The following ADGRL3 variants were observed in gnomAD, a reference collection of about 807,000 sequenced individuals.
ADGRL3 encodes the protein adhesion G protein-coupled receptor L3.
Under a neutral mutation model 153.5 loss-of-function variants are expected in ADGRL3, and 62 were observed. The ratio of observed to expected loss-of-function variants is 0.40; its 90% CI spans 0.33 to 0.50. The LOEUF (loss-of-function observed/expected upper bound fraction) is 0.50, where lower values mean the gene tolerates loss of function less well. ADGRL3 is among the 20% of genes least tolerant of loss of function. The pLI is 0.47. For synonymous variants in ADGRL3, 710 were observed against 672.5 expected (o/e 1.06, Z -0.86); for missense variants, 1,641 against 1,859.4 (o/e 0.88, Z 2.16).
rs781523947 is a variant in ADGRL3 at position 61,733,204 on chromosome 4, A to G, written c.1049A>G (p.Asn350Ser). 3.1e-6 allele frequency: 5 copies of G among 1,613,596 alleles called. No homozygotes were observed. In the East Asian group the frequency reaches 6.7e-5, roughly 22 times the overall value. Residue 350 changes from asparagine (N) to serine (S), a missense_variant, in exon 8 of 27, where the codon AAT becomes AGT. This residue lies in a region of ADGRL3 where 213 missense variants were observed against 362.1 expected (regional missense o/e 0.59). Transcript: ENST00000683033. ...LWVIYATEQNNGKIVISQLNP... is the reference protein window; with the variant it reads ...LWVIYATEQNSGKIVISQLNP... Reference sequence around the variant, plus strand: ...GTAATCTATGCAACAGAACAAAACAATGGTAAAATTGTCATTAGTCAATTG... The same window carrying G: ...GTAATCTATGCAACAGAACAAAACAGTGGTAAAATTGTCATTAGTCAATTG...
intron 17 of ADGRL3, among the ~76,000 whole-genome samples, chr4:61,957,865 GTTTTC>G (rs1382530004): frequency 6.6e-6 from 1 of 151,756 alleles, no homozygotes; most frequent in Admixed American, 6.6e-5. Flanking sequence ...TATTTCATTT[GTTTTC>G]TTTTCTTCAT....
At chr4:61,796,168 A>G (rs2097408868) in intron 8 of ADGRL3, among the ~76,000 whole-genome samples, 3 of 152,066 alleles carry the variant, frequency 2.0e-5, no homozygotes, top group Admixed American at 2.0e-4. Context: ...TTGCATCCCA[A>G]CACAATGGAC....
At chr4:62,000,489 T>A (rs1198272437) in intron 21 of ADGRL3, among the ~76,000 whole-genome samples, 1 of 152,086 alleles carries the variant, frequency 6.6e-6, no homozygotes. Context: ...TTAGTGGCAT[T>A]GGTAGCATCA....
intron 4 of ADGRL3, among the ~76,000 whole-genome samples, chr4:61,545,923 C>G (rs1005217660): frequency 6.6e-6 from 1 of 152,068 alleles, no homozygotes; most frequent in African/African-American, 2.4e-5. Context: ...AAAAAACTTT[C>G]TATGTTTTTA....
chr4:61,448,551 A>G (rs2097617932), intron 2 of ADGRL3, among the ~76,000 whole-genome samples: 1 of 152,170 alleles, frequency 6.6e-6, no homozygotes. Flanking sequence ...GGCAACATGT[A>G]TGTAAAGTGC....
intron 2 of ADGRL3, among the ~76,000 whole-genome samples, chr4:61,451,105 A>T (rs1251749369): frequency 1.3e-5 from 2 of 152,168 alleles, no homozygotes; most frequent in African/African-American, 4.8e-5. Context: ...TTGGTACAAG[A>T]ATAGTTAGAG....
chr4:61,251,555 C>T (rs1271238600), intron 1 of ADGRL3, among the ~76,000 whole-genome samples: 2 of 152,106 alleles, frequency 1.3e-5, no homozygotes, highest in Non-Finnish European at 2.9e-5. Context: ...GGTACAGTGT[C>T]GAGCAACTTG....
chr4:61,403,197 A>G lies in ADGRL3; in HGVS notation c.-174+20008A>G, dbSNP rs116119366. ...TCCAGTTTTCTGACACACAGCTCCT[A>G]AAACCCTTAGAATCTCTGAAGTGGC... On this transcript the variant is annotated intron_variant, in intron 2 of 26. Transcript: ENST00000683033. 7.2e-3 allele frequency among the ~76,000 whole-genome samples: 1,089 copies of G among 152,162 alleles called. 18 individuals are homozygous for G. Among genetic ancestry groups the G allele is most frequent in the African/African-American group, 0.024 (1,004 of 41,538 alleles).
chr4:61,242,894 AAC>A (rs1326109821), intron 1 of ADGRL3, among the ~76,000 whole-genome samples: 4 of 152,146 alleles, frequency 2.6e-5, no homozygotes, highest in Admixed American at 2.6e-4. Context: ...ACAATTATTG[AAC>A]AGTTGTTTTA....
chr4:61,328,932 T>C (rs2095517803), intron 1 of ADGRL3, among the ~76,000 whole-genome samples: 1 of 152,168 alleles, frequency 6.6e-6, no homozygotes, highest in Non-Finnish European at 1.5e-5. Context: ...TCAGTTCCAC[T>C]ATGTGAATGA....
chr4:62,065,936 A>G (rs1173382167), intron 25 of ADGRL3, among the ~76,000 whole-genome samples: 1 of 152,036 alleles, frequency 6.6e-6, no homozygotes, highest in Non-Finnish European at 1.5e-5. Flanking sequence ...TTGGATTGTC[A>G]ATAAATACAC....
chr4:61,401,471 T>C (rs1006615094), intron 2 of ADGRL3, among the ~76,000 whole-genome samples: 1 of 151,962 alleles, frequency 6.6e-6, no homozygotes, highest in African/African-American at 2.4e-5. Context: ...TTTCACACAA[T>C]GAAATACATG....
intron 5 of ADGRL3, among the ~76,000 whole-genome samples, chr4:61,616,130 G>A (rs1296918830): frequency 6.6e-6 from 1 of 151,898 alleles, no homozygotes; most frequent in African/African-American, 2.4e-5. Flanking sequence ...GTAAGTAATT[G>A]GAAAAGAAAA....
At chr4:61,740,724 A>C (rs906427889) in intron 8 of ADGRL3, among the ~76,000 whole-genome samples, 1 of 152,234 alleles carries the variant, frequency 6.6e-6, no homozygotes, top group Admixed American at 6.5e-5. Flanking sequence ...CTAAAAATCT[A>C]CTGGTTGAGA....
intron 25 of ADGRL3, among the ~76,000 whole-genome samples, chr4:62,050,617 AT>A (rs1733583136): frequency 6.6e-6 from 1 of 152,102 alleles, no homozygotes; most frequent in Admixed American, 6.6e-5. Context: ...AATGAAAAAA[AT>A]CTAAGTGATG....
chr4:61,310,112 C>G (rs993367606), intron 1 of ADGRL3, among the ~76,000 whole-genome samples: 1 of 151,194 alleles, frequency 6.6e-6, no homozygotes, highest in African/African-American at 2.4e-5. Flanking sequence ...AGGTTAAGAT[C>G]TAGAAGACAT....
chr4:61,220,907 A>G (rs1577894672), intron 1 of ADGRL3, among the ~76,000 whole-genome samples: 1 of 152,272 alleles, frequency 6.6e-6, no homozygotes, highest in South Asian at 2.1e-4. Context: ...TTCTGCAGGC[A>G]TATATACATA....
At chr4:61,850,749 G>A (rs1163983379) in intron 9 of ADGRL3, among the ~76,000 whole-genome samples, 1 of 152,038 alleles carries the variant, frequency 6.6e-6, no homozygotes, top group Non-Finnish European at 1.5e-5. Flanking sequence ...TGTTACAGAA[G>A]GATTGTAGTT....
chr4:61,673,942 A>G (rs2095094633), intron 5 of ADGRL3, among the ~76,000 whole-genome samples: 1 of 151,206 alleles, frequency 6.6e-6, no homozygotes, highest in African/African-American at 2.4e-5. Flanking sequence ...TTTTTGTTTT[A>G]TATACCACTG....
Sources: allele counts gnomAD v4.1 joint callset (sites outside exome capture counted in the v4.1 genomes callset), GRCh38; gene constraint gnomAD v4.1.1; regional missense constraint gnomAD v4.1.1; transcripts MANE v1.5; gene names NCBI Gene and HGNC (gene_info 2026-07-23, HGNC 2026-07-21).